Variants in NFIA observed in about 807,000 individuals in gnomAD.
NFIA encodes the protein nuclear factor I A.
A neutral mutation model predicts 62.8 loss-of-function variants in NFIA; 8 were observed. The observed-to-expected ratio is 0.13, with a 90% CI of 0.07 to 0.23. NFIA has a LOEUF of 0.23. NFIA is among the 10% of genes least tolerant of loss of function. The pLI, the probability that NFIA is intolerant of heterozygous loss-of-function variation, is 1.00. For synonymous variants in NFIA, 235 were observed against 238.1 expected (o/e 0.99, Z 0.12); for missense variants, 410 against 642.1 (o/e 0.64, Z 3.91).
chr1:61,082,315 G>C (rs935904044), upstream of NFIA: 11 of 263,830 alleles, frequency 4.2e-5, 1 homozygote, highest in Middle Eastern at 4.5e-3. Context: ...AGCGGCCGCG[G>C]AGGCTCGGGA....
intron 4 of NFIA, among the ~76,000 whole-genome samples, chr1:61,339,875 C>T (rs1384697593): frequency 1.3e-5 from 2 of 152,174 alleles, no homozygotes; most frequent in Non-Finnish European, 2.9e-5. Flanking sequence ...TGTCCTCAGC[C>T]GACTCAGCCC....
intron 2 of NFIA, among the ~76,000 whole-genome samples, chr1:61,219,831 G>A (rs1270624392): frequency 4.6e-5 from 7 of 151,946 alleles, no homozygotes; most frequent in Non-Finnish European, 1.0e-4. Context: ...GGGCGCAGTG[G>A]CCCACGCCTT....
chr1:61,147,408 C>G (rs1299684485), intron 2 of NFIA, among the ~76,000 whole-genome samples: 4 of 152,216 alleles, frequency 2.6e-5, no homozygotes, highest in Admixed American at 2.0e-4. Context: ...GCCTCGGCCT[C>G]CCGAAGTGCT....
intron 4 of NFIA, among the ~76,000 whole-genome samples, chr1:61,350,585 A>G (rs1184529288): frequency 6.6e-6 from 1 of 152,100 alleles, no homozygotes; most frequent in African/African-American, 2.4e-5. Context: ...ACAGTAAGCT[A>G]TGATCACACC....
At position 61,457,457 on chromosome 1, in the gene NFIA, A is replaced by ACGGT. The variant is rs1668358739; in HGVS notation, c.*2142_*2145dup. On this transcript the variant is annotated 3_prime_UTR_variant, in exon 11 of 11. Transcript: ENST00000403491. The surrounding 1 kb of genome is among the most constrained non-coding windows in gnomAD (Gnocchi z 4.2). ...ATAGGAGTAGTCTTTATTGTCCTGT[A>ACGGT]CGGTCGGTGGCAGTGCTATTCTGAG... 6.6e-6 allele frequency: 1 copy of ACGGT among 152,194 alleles called. No individual in the cohort carries two copies. Among genetic ancestry groups the ACGGT allele is most frequent in the Non-Finnish European group, 1.5e-5 (1 of 68,042 alleles). 9.4% of individuals were successfully genotyped at this position (152,194 alleles called of 1,614,324 possible). A position where few individuals can be genotyped will look rare whatever the true frequency, so the allele number is the denominator to read the frequency against.
Position 61,391,435 on chromosome 1 carries a change from AACACACACACACAC to A in NFIA, c.1075+8110_1075+8123del, listed in dbSNP as rs60938787. On this transcript the variant is annotated intron_variant, in intron 7 of 10. Coordinates refer to ENST00000403491, the MANE Select transcript of NFIA (RefSeq NM_001134673.4). ...TTAAACCCCACTTCTTTATGAATCA[AACACACACACACAC>A]ACACACACACACACACACACACACA... Among the ~76,000 whole-genome samples the A allele has an allele frequency of 8.0e-3, 994 of 124,676 alleles. 13 individuals carry two copies. Among genetic ancestry groups the A allele is most frequent in the East Asian group, 0.034 (137 of 3,996 alleles). 81.8% of individuals were successfully genotyped at this position (124,676 alleles called of 152,430 possible). A position where few individuals can be genotyped will look rare whatever the true frequency, so the allele number is the denominator to read the frequency against.
chr1:61,315,824 T>C (rs1660338057), intron 3 of NFIA, among the ~76,000 whole-genome samples: 1 of 152,218 alleles, frequency 6.6e-6, no homozygotes, highest in Admixed American at 6.5e-5. Flanking sequence ...ACCTGCATCC[T>C]TGAGTTGAGA....
At chr1:61,356,145 T>C (rs1023250530) in intron 5 of NFIA, among the ~76,000 whole-genome samples, 2 of 152,198 alleles carry the variant, frequency 1.3e-5, no homozygotes. Flanking sequence ...TGTATGGCTG[T>C]TTCTAAGTCA....
chr1:61,296,569 G>A (rs1350680502), intron 3 of NFIA, among the ~76,000 whole-genome samples: 1 of 152,018 alleles, frequency 6.6e-6, no homozygotes, highest in East Asian at 1.9e-4. Context: ...TTTTTCTTAA[G>A]CCACTGGTCT....
At chr1:61,278,051 G>GA (rs5774550) in intron 3 of NFIA, among the ~76,000 whole-genome samples, 13 of 149,534 alleles carry the variant, frequency 8.7e-5, no homozygotes, top group Middle Eastern at 3.5e-3. Flanking sequence ...ATTCCTTTAA[G>GA]AAAAAAAAAA....
intron 5 of NFIA, among the ~76,000 whole-genome samples, chr1:61,355,741 C>G (rs1007936673): frequency 6.6e-6 from 1 of 151,444 alleles, no homozygotes; most frequent in Non-Finnish European, 1.5e-5. Context: ...CCACCACACG[C>G]GGCTGATTTA....
chr1:61,445,041 C>T (rs2474364), intron 10 of NFIA, among the ~76,000 whole-genome samples: 13,142 of 152,174 alleles, frequency 0.086, 1,649 homozygotes, highest in African/African-American at 0.28. Flanking sequence ...TGATTTTGTA[C>T]GCATGCTCAA....
chr1:61,389,682 A>G (rs1664871643), intron 7 of NFIA, among the ~76,000 whole-genome samples: 1 of 151,888 alleles, frequency 6.6e-6, no homozygotes, highest in South Asian at 2.1e-4. Flanking sequence ...TATGAGTCAA[A>G]GTCATAACAT....
intron 2 of NFIA, among the ~76,000 whole-genome samples, chr1:61,130,245 A>G (rs905709943): frequency 2.0e-5 from 3 of 152,136 alleles, no homozygotes; most frequent in Non-Finnish European, 4.4e-5. Flanking sequence ...GGTTTACATT[A>G]TGTTACCTCT....
At chr1:61,260,545 G>A (rs1294882920) in intron 2 of NFIA, among the ~76,000 whole-genome samples, 4 of 152,204 alleles carry the variant, frequency 2.6e-5, no homozygotes, top group African/African-American at 9.6e-5. Context: ...TTTGTGGAAT[G>A]ATATGCTGAG....
intron 2 of NFIA, among the ~76,000 whole-genome samples, chr1:61,128,145 C>T (rs1171223112): frequency 1.3e-5 from 2 of 151,972 alleles, no homozygotes; most frequent in African/African-American, 4.8e-5. Context: ...GACGTGGAGT[C>T]CCCCTATGTT....
chr1:61,244,876 C>T (rs1293973554), intron 2 of NFIA, among the ~76,000 whole-genome samples: 1 of 152,136 alleles, frequency 6.6e-6, no homozygotes, highest in Non-Finnish European at 1.5e-5. Flanking sequence ...TTTATTTCTA[C>T]CTGTCTAGAT....
chr1:61,403,880 G>A (rs765742720), intron 7 of NFIA, among the ~76,000 whole-genome samples: 4 of 152,172 alleles, frequency 2.6e-5, no homozygotes, highest in Non-Finnish European at 5.9e-5. Flanking sequence ...CATGTCCACT[G>A]AAAATAGAAA....
At chr1:61,119,429 A>C (rs1222137838) in intron 2 of NFIA, among the ~76,000 whole-genome samples, 2 of 152,228 alleles carry the variant, frequency 1.3e-5, no homozygotes, top group Non-Finnish European at 1.5e-5. Context: ...TTGTTTAGTA[A>C]GAGGAAATTT....
Sources: gnomAD v4.1 joint callset for allele counts (sites outside exome capture counted in the v4.1 genomes callset) on GRCh38, gnomAD v4.1.1 for gene constraint, Gnocchi (gnomAD v3.1) non-coding constraint, MANE v1.5 for transcripts, NCBI Gene and HGNC (gene_info 2026-07-23, HGNC 2026-07-21) for gene names.